ESR1: variants seen among roughly 807,000 people sequenced by gnomAD.
ESR1 encodes the protein estrogen receptor 1.
In ESR1, 12 loss-of-function variants were observed where a neutral mutation model predicts 52.7. The ratio of observed to expected loss-of-function variants is 0.23; its 90% CI spans 0.15 to 0.37. ESR1 has a LOEUF of 0.37. Among genes scored for constraint, ESR1 ranks in the 10% least tolerant of loss-of-function variants. The pLI is 1.00. For synonymous variants in ESR1, 305 were observed against 316.8 expected, an observed-to-expected ratio of 0.96 and a Z score of 0.39; for missense variants, 584 against 779.7, an observed-to-expected ratio of 0.75 and a Z score of 2.99.
Position 152,018,838 on chromosome 6 carries a change from G to GAAA in ESR1, c.1235+7052_1235+7054dup, listed in dbSNP as rs113074966. On this transcript the variant is annotated intron_variant, in intron 5 of 7. Coordinates refer to ENST00000206249, the MANE Select transcript of ESR1 (RefSeq NM_000125.4). ...TATCATATGGAATTGAGTAAAAAAA[G>GAAA]AAAAAAAAAAGGAAGCCAACACTTA... 2.6e-4 allele frequency among the ~76,000 whole-genome samples: 38 copies of GAAA among 147,432 alleles called. No homozygotes were observed. The East Asian group carries it at 5.2e-3, about 20-fold the overall frequency.
chr6:151,762,481 T>TA (rs1332844087), intron 2 of ESR1, among the ~76,000 whole-genome samples: 4 of 152,216 alleles, frequency 2.6e-5, no homozygotes, highest in Non-Finnish European at 5.9e-5. Context: ...GGGGCCTCTT[T>TA]AAATCCCAGC....
At chr6:151,706,428 G>T (rs545398846) in intron 2 of ESR1, among the ~76,000 whole-genome samples, 2 of 152,306 alleles carry the variant, frequency 1.3e-5, no homozygotes, top group South Asian at 4.1e-4. Flanking sequence ...GTCTTGGGAA[G>T]AAGAGGTAGC....
chr6:151,948,004 G>GT (rs1267583358), intron 4 of ESR1, among the ~76,000 whole-genome samples: 1 of 152,064 alleles, frequency 6.6e-6, no homozygotes, highest in Non-Finnish European at 1.5e-5. Context: ...TAGAAATTCA[G>GT]TTTTTTTAAA....
At chr6:151,918,091 T>C (rs1211062026) in intron 3 of ESR1, among the ~76,000 whole-genome samples, 1 of 152,220 alleles carries the variant, frequency 6.6e-6, no homozygotes, top group Non-Finnish European at 1.5e-5. Flanking sequence ...GTTGTAAACT[T>C]GTGGGCAGAT....
At chr6:151,759,341 A>AAT (rs1412381766) in intron 2 of ESR1, among the ~76,000 whole-genome samples, 9 of 151,952 alleles carry the variant, frequency 5.9e-5, no homozygotes, top group African/African-American at 1.9e-4. Flanking sequence ...TACATAGGAC[A>AAT]ATATGGTCCT....
At chr6:151,890,433 T>C (rs142866753) in intron 3 of ESR1, among the ~76,000 whole-genome samples, 76 of 152,316 alleles carry the variant, frequency 5.0e-4, no homozygotes, top group African/African-American at 1.8e-3. Context: ...ATGTTCCATG[T>C]GTATTTGAGA....
chr6:151,915,720 A>G (rs1257510834), intron 3 of ESR1, among the ~76,000 whole-genome samples: 2 of 152,184 alleles, frequency 1.3e-5, no homozygotes, highest in African/African-American at 2.4e-5. Flanking sequence ...GATTTAAAGA[A>G]AATATTATAA....
intron 5 of ESR1, among the ~76,000 whole-genome samples, chr6:152,045,739 C>T (rs1367956761): frequency 1.3e-5 from 2 of 152,106 alleles, no homozygotes; most frequent in African/African-American, 4.8e-5. Flanking sequence ...GGTGGTGGAG[C>T]TGAATCGCCT....
chr6:151,912,456 A>G (rs1798412858), intron 3 of ESR1, among the ~76,000 whole-genome samples: 1 of 152,200 alleles, frequency 6.6e-6, no homozygotes, highest in East Asian at 1.9e-4. Context: ...CATAGAGGTT[A>G]TCTCCTTTGC....
chr6:151,820,337 A>C (rs965424647), intron 1 of ESR1, among the ~76,000 whole-genome samples: 1 of 152,248 alleles, frequency 6.6e-6, no homozygotes, highest in East Asian at 1.9e-4. Context: ...ACTGTTAAGA[A>C]TCAGAGAAAT....
At chr6:151,890,767 A>C (rs757789947) in intron 3 of ESR1, among the ~76,000 whole-genome samples, 34 of 151,904 alleles carry the variant, frequency 2.2e-4, no homozygotes, top group Non-Finnish European at 3.5e-4. Flanking sequence ...ATAGTTTGTG[A>C]CTTAAAGCCT....
chr6:151,748,707 G>A (rs1322534985), intron 2 of ESR1, among the ~76,000 whole-genome samples: 1 of 152,128 alleles, frequency 6.6e-6, no homozygotes, highest in East Asian at 1.9e-4. Context: ...CTTGGCCAAT[G>A]TGGTAGGTAA....
intron 3 of ESR1, among the ~76,000 whole-genome samples, chr6:151,883,630 G>C (rs1353868584): frequency 1.3e-5 from 2 of 152,138 alleles, no homozygotes; most frequent in African/African-American, 4.8e-5. Flanking sequence ...CCAGGGGCTA[G>C]GGCTTCAACA....
At chr6:152,038,689 T>G in intron 5 of ESR1, among the ~76,000 whole-genome samples, 1 of 152,168 alleles carries the variant, frequency 6.6e-6, no homozygotes, top group East Asian at 1.9e-4. Context: ...TGGAATGCAG[T>G]GGTGCGATAT....
intron 2 of ESR1, among the ~76,000 whole-genome samples, chr6:151,763,991 A>G (rs138928521): frequency 3.3e-5 from 5 of 152,210 alleles, no homozygotes; most frequent in Admixed American, 6.5e-5. Context: ...CCCTGTGGGT[A>G]AAGGGAAGGA....
rs576356321 is a variant in ESR1 at position 152,007,498 on chromosome 6, G to A, written c.1097-4158G>A. 1.6e-3 allele frequency among the ~76,000 whole-genome samples: 246 copies of A among 152,042 alleles called. 1 individual carries two copies. The highest frequency in any genetic ancestry group is 1.6e-3 in the Non-Finnish European group (106 of 67,968). On this transcript the variant is annotated intron_variant, in intron 4 of 7. Transcript: ENST00000206249. ...TGCCCATATGCGGGGTGAGGAGTGA[G>A]CATTTTAAGGCATTTCTCTCTGTTT...
intron 1 of ESR1, among the ~76,000 whole-genome samples, chr6:151,660,261 TCTTAA>T (rs1777594591): frequency 6.6e-6 from 1 of 152,326 alleles, no homozygotes; most frequent in East Asian, 1.9e-4. Context: ...GTTCCTAAAC[TCTTAA>T]CTTTGTGAGG....
Position 151,999,947 on chromosome 6 carries a change from AT to A in ESR1, c.1097-11708del, listed in dbSNP as rs554580468. ...AATAAAAATATTTAAGAACTCTCTT[AT>A]GTGTGTGTTTCAACCTATAAATTTT... On this transcript the variant is annotated intron_variant, in intron 4 of 7. Transcript: ENST00000206249. Among the ~76,000 whole-genome samples the A allele has an allele frequency of 9.2e-5, 14 of 152,244 alleles. 1 individual carries two copies. In the South Asian group the frequency reaches 2.9e-3, roughly 32 times the overall value.
At chr6:151,941,945 C>T (rs533091072) in intron 3 of ESR1, among the ~76,000 whole-genome samples, 1 of 152,328 alleles carries the variant, frequency 6.6e-6, no homozygotes, top group South Asian at 2.1e-4. Context: ...TCTAGGCTAA[C>T]CCTTCGTTGT....
Sources: gnomAD v4.1 joint callset for allele counts (sites outside exome capture counted in the v4.1 genomes callset) on GRCh38, gnomAD v4.1.1 for gene constraint, MANE v1.5 for transcripts, NCBI Gene and HGNC (gene_info 2026-07-23, HGNC 2026-07-21) for gene names.